SPRR2G: variants seen among roughly 807,000 people sequenced by gnomAD.
SPRR2G encodes the protein small proline rich protein 2G.
A neutral mutation model predicts 0.7 loss-of-function variants in SPRR2G; 1 was observed. The observed-to-expected ratio is 1.49, with a 90% CI of 0.53 to 7.06. The LOEUF is 7.06. Among genes scored for constraint, SPRR2G ranks in the 30% most tolerant of loss-of-function variants. The pLI is 0.14. For missense variants in SPRR2G, 96 were observed against 88.5 expected (o/e 1.09, Z -0.34); for synonymous variants, 38 against 33.9 (o/e 1.12, Z -0.42).
the SPRR2G span, among the ~76,000 whole-genome samples, chr1:153,176,797 C>G: frequency 1.3e-5 from 2 of 152,176 alleles, no homozygotes; most frequent in South Asian, 2.1e-4. Flanking sequence ...AATGCATTGT[C>G]TCATTAAGGC....
At chr1:153,187,286 A>G in the SPRR2G span, among the ~76,000 whole-genome samples, 1 of 152,112 alleles carries the variant, frequency 6.6e-6, no homozygotes, top group African/African-American at 2.4e-5. Flanking sequence ...TAACATCCTG[A>G]AGTGTGTTTT....
the SPRR2G span, among the ~76,000 whole-genome samples, chr1:153,187,608 T>A: frequency 6.6e-6 from 1 of 152,140 alleles, no homozygotes; most frequent in African/African-American, 2.4e-5. Flanking sequence ...CTGTAGCCTT[T>A]TATCAAGGTT....
the SPRR2G span, among the ~76,000 whole-genome samples, chr1:153,203,264 G>A: frequency 3.3e-5 from 5 of 152,172 alleles, no homozygotes; most frequent in Non-Finnish European, 4.4e-5. Context: ...GAGGGGTCTA[G>A]GGAGGGGTGG....
At chr1:153,160,075 C>T in the SPRR2G span, among the ~76,000 whole-genome samples, 2 of 152,188 alleles carry the variant, frequency 1.3e-5, no homozygotes, top group Non-Finnish European at 2.9e-5. Flanking sequence ...CCTTCTACCC[C>T]AGACCCTGGC....
chr1:153,188,417 T>G, the SPRR2G span, among the ~76,000 whole-genome samples: 1 of 152,124 alleles, frequency 6.6e-6, no homozygotes, highest in Non-Finnish European at 1.5e-5. Context: ...TGAGGAGGAA[T>G]TTAGAGAGGC....
chr1:153,199,130 T>C, the SPRR2G span, among the ~76,000 whole-genome samples: 2 of 152,132 alleles, frequency 1.3e-5, no homozygotes, highest in East Asian at 3.8e-4. Context: ...AATACACAAA[T>C]ATCAAGAAAA....
the SPRR2G span, among the ~76,000 whole-genome samples, chr1:153,194,488 C>T: frequency 6.6e-6 from 1 of 152,158 alleles, no homozygotes. Context: ...TTCCTTACCT[C>T]CTGCCACTTC....
At chr1:153,170,032 TA>T in the SPRR2G span, among the ~76,000 whole-genome samples, 1 of 152,230 alleles carries the variant, frequency 6.6e-6, no homozygotes, top group Non-Finnish European at 1.5e-5. Context: ...CTAATTAATT[TA>T]TTTAGACATG....
At chr1:153,202,475 C>G in the SPRR2G span, among the ~76,000 whole-genome samples, 1 of 152,126 alleles carries the variant, frequency 6.6e-6, no homozygotes, top group East Asian at 1.9e-4. Flanking sequence ...CTGGTGTCAT[C>G]GTATTGCCTT....
chr1:153,156,307 G>A, the SPRR2G span, among the ~76,000 whole-genome samples: 1 of 152,054 alleles, frequency 6.6e-6, no homozygotes, highest in Non-Finnish European at 1.5e-5. Context: ...CCTACCTATA[G>A]CAATTGGAAT....
chr1:153,194,007 C>G, the SPRR2G span, among the ~76,000 whole-genome samples: 1 of 152,190 alleles, frequency 6.6e-6, no homozygotes, highest in Admixed American at 6.5e-5. Context: ...ACATGATTCT[C>G]TTCGACCTGA....
chr1:153,158,211 A>C, the SPRR2G span, among the ~76,000 whole-genome samples: 1 of 152,246 alleles, frequency 6.6e-6, no homozygotes, highest in Admixed American at 6.5e-5. Flanking sequence ...CATCTGAGAC[A>C]AGGCAAATTT....
the SPRR2G span, among the ~76,000 whole-genome samples, chr1:153,160,482 A>G: frequency 7.8e-4 from 119 of 152,360 alleles, 1 homozygote; most frequent in East Asian, 0.021. Context: ...ACTGTTTTCC[A>G]TAGTAGCTGC....
At chr1:153,178,579 T>G in the SPRR2G span, among the ~76,000 whole-genome samples, 1 of 152,152 alleles carries the variant, frequency 6.6e-6, no homozygotes, top group Non-Finnish European at 1.5e-5. Flanking sequence ...TATAATTTCT[T>G]CCTTTATTCA....
chr1:153,154,607 C>CA (rs1656544220), upstream of SPRR2G, among the ~76,000 whole-genome samples: 1 of 152,030 alleles, frequency 6.6e-6, no homozygotes, highest in Non-Finnish European at 1.5e-5. Context: ...AGTAATTTAT[C>CA]AATTTCTTCT....
chr1:153,150,270 C>T, intron 1 of SPRR2G, 139 bp from the exon 2 acceptor site: 1 of 1,286,352 alleles, frequency 7.8e-7, no homozygotes. Context: ...GAACCTTCTT[C>T]ACACTTCACT....
the SPRR2G span, among the ~76,000 whole-genome samples, chr1:153,160,024 A>G: frequency 9.8e-5 from 15 of 152,300 alleles, no homozygotes; most frequent in East Asian, 2.7e-3. Flanking sequence ...TATCTTATAT[A>G]ACTGAAACTT....
At chr1:153,178,522 T>C in the SPRR2G span, among the ~76,000 whole-genome samples, 1 of 152,182 alleles carries the variant, frequency 6.6e-6, no homozygotes, top group East Asian at 1.9e-4. Flanking sequence ...TTATCCTCAA[T>C]GCATGTTGAA....
At chr1:153,155,716 T>C (rs775091540), upstream of SPRR2G, among the ~76,000 whole-genome samples, 1 of 152,246 alleles carries the variant, frequency 6.6e-6, no homozygotes, top group African/African-American at 2.4e-5. Context: ...TGTGCTGTCA[T>C]GTATCAAACT....
Sources: gnomAD v4.1 joint callset for allele counts (sites outside exome capture counted in the v4.1 genomes callset) on GRCh38, gnomAD v4.1.1 for gene constraint, MANE v1.5 for transcripts, NCBI Gene and HGNC (gene_info 2026-07-23, HGNC 2026-07-21) for gene names.